The following NRG3 variants were observed in gnomAD, a reference collection of about 807,000 sequenced individuals.
NRG3 encodes neuregulin 3.
NRG3 carries 31 observed loss-of-function variants against 66.9 expected under a neutral mutation model. That is an observed-to-expected ratio of 0.46 (90% confidence interval 0.35 to 0.63). The LOEUF is 0.63. Among genes scored for constraint, NRG3 ranks in the 20% least tolerant of loss-of-function variants. The probability of loss-of-function intolerance (pLI) is 0.00; values close to 1 mark genes in which losing one functional copy is unlikely to be tolerated. For missense variants in NRG3, 910 were observed against 878.9 expected, an observed-to-expected ratio of 1.04 and a Z score of -0.45; for synonymous variants, 393 against 359.4, an observed-to-expected ratio of 1.09 and a Z score of -1.06.
chr10:82,122,872 G>C (rs1446076009), intron 1 of NRG3, among the ~76,000 whole-genome samples: 1 of 151,942 alleles, frequency 6.6e-6, no homozygotes, highest in African/African-American at 2.4e-5. Flanking sequence ...TTTACTACAT[G>C]ATGTCCGCTG....
chr10:82,276,603 G>A (rs977953420), intron 1 of NRG3, among the ~76,000 whole-genome samples: 2 of 151,908 alleles, frequency 1.3e-5, no homozygotes, highest in South Asian at 2.1e-4. Flanking sequence ...GCAGTAAAGA[G>A]GTCAAAGGAG....
intron 4 of NRG3, among the ~76,000 whole-genome samples, chr10:82,935,020 A>G (rs1265608892): frequency 6.6e-6 from 1 of 152,214 alleles, no homozygotes; most frequent in African/African-American, 2.4e-5. Flanking sequence ...ATTTTCTTCA[A>G]AGACCTGGTG....
At chr10:82,189,983 C>CA (rs397701310) in intron 1 of NRG3, among the ~76,000 whole-genome samples, 10,088 of 150,586 alleles carry the variant, frequency 0.067, 389 homozygotes, top group South Asian at 0.16. Context: ...AACAAACAAA[C>CA]AAAAAAAACA....
intron 1 of NRG3, among the ~76,000 whole-genome samples, chr10:82,177,147 A>G (rs2073099690): frequency 6.6e-6 from 1 of 151,994 alleles, no homozygotes; most frequent in African/African-American, 2.4e-5. Context: ...AATGTTTGCT[A>G]TGTTTATATT....
intron 2 of NRG3, among the ~76,000 whole-genome samples, chr10:82,588,633 G>A (rs1042022469): frequency 2.6e-5 from 4 of 152,048 alleles, no homozygotes; most frequent in African/African-American, 9.7e-5. Flanking sequence ...CTCCCGAGTA[G>A]CTGGGACCAC....
chr10:82,254,537 G>A (rs1025860217), intron 1 of NRG3, among the ~76,000 whole-genome samples: 1 of 151,998 alleles, frequency 6.6e-6, no homozygotes, highest in African/African-American at 2.4e-5. Flanking sequence ...AAAACAACTT[G>A]GTTTCCTTGG....
intron 1 of NRG3, among the ~76,000 whole-genome samples, chr10:82,333,440 G>T (rs1297413887): frequency 1.3e-5 from 2 of 152,182 alleles, no homozygotes; most frequent in African/African-American, 4.8e-5. Flanking sequence ...ATTTCAAAAG[G>T]CAGAGATTAA....
intron 3 of NRG3, among the ~76,000 whole-genome samples, chr10:82,849,754 T>C (rs776950243): frequency 2.0e-5 from 3 of 152,086 alleles, no homozygotes; most frequent in African/African-American, 7.2e-5. Flanking sequence ...GAGGTTAATG[T>C]GGCTGAATTG....
At chr10:82,420,189 A>G (rs1426207635) in intron 2 of NRG3, among the ~76,000 whole-genome samples, 3 of 152,086 alleles carry the variant, frequency 2.0e-5, no homozygotes, top group Admixed American at 6.6e-5. Context: ...TCGTGCTTCA[A>G]TTAGCCATTG....
chr10:82,075,614 C>G (rs2065047120), intron 1 of NRG3, among the ~76,000 whole-genome samples: 1 of 151,994 alleles, frequency 6.6e-6, no homozygotes. Context: ...AGCATGATTA[C>G]AATTTTATTT....
At chr10:82,659,913 C>T (rs980058592) in intron 2 of NRG3, among the ~76,000 whole-genome samples, 20 of 151,840 alleles carry the variant, frequency 1.3e-4, no homozygotes, top group Middle Eastern at 6.8e-3. Flanking sequence ...AATAAAGTGA[C>T]GGCCGGGTGC....
intron 2 of NRG3, among the ~76,000 whole-genome samples, chr10:82,716,727 A>G (rs1176640136): frequency 6.6e-6 from 1 of 152,246 alleles, no homozygotes; most frequent in African/African-American, 2.4e-5. Context: ...ATCTGTATCA[A>G]TAAAGTCTAA....
intron 3 of NRG3, among the ~76,000 whole-genome samples, chr10:82,855,535 C>G (rs563381175): frequency 6.6e-6 from 1 of 152,144 alleles, no homozygotes; most frequent in African/African-American, 2.4e-5. Flanking sequence ...GTAGCTGGGA[C>G]TATAAGCACA....
intron 1 of NRG3, among the ~76,000 whole-genome samples, chr10:82,218,340 AG>A (rs1443450449): frequency 2.6e-5 from 4 of 152,200 alleles, no homozygotes; most frequent in African/African-American, 9.7e-5. Flanking sequence ...GCAAAGATTC[AG>A]TCCAAGGTTC....
intron 1 of NRG3, among the ~76,000 whole-genome samples, chr10:82,348,558 T>A (rs1234150562): frequency 6.8e-6 from 1 of 147,514 alleles, no homozygotes; most frequent in Non-Finnish European, 1.5e-5. Context: ...GGAGTTGCTC[T>A]TCTCGAGGAG....
intron 2 of NRG3, among the ~76,000 whole-genome samples, chr10:82,716,680 G>A (rs529569818): frequency 2.6e-5 from 4 of 152,206 alleles, no homozygotes; most frequent in Admixed American, 6.5e-5. Flanking sequence ...GAGGAAAGGT[G>A]TTAGGAAGAA....
chr10:81,893,987 C>G (rs1011600739), intron 1 of NRG3, among the ~76,000 whole-genome samples: 6 of 152,178 alleles, frequency 3.9e-5, no homozygotes, highest in African/African-American at 1.4e-4. Context: ...GAAGCTATCT[C>G]TATCAGTCAG....
At chr10:82,048,657 A>C (rs183763550) in intron 1 of NRG3, among the ~76,000 whole-genome samples, 8 of 151,858 alleles carry the variant, frequency 5.3e-5, no homozygotes, top group African/African-American at 1.9e-4. Context: ...GGAAAGATCC[A>C]AAACTGACAC....
intron 2 of NRG3, among the ~76,000 whole-genome samples, chr10:82,393,139 A>G (rs930530651): frequency 2.0e-5 from 3 of 152,108 alleles, no homozygotes; most frequent in South Asian, 2.1e-4. Flanking sequence ...TGGCAATTCA[A>G]AGTATCAACA....
Sources: gnomAD v4.1 joint callset for allele counts (sites outside exome capture counted in the v4.1 genomes callset) on GRCh38, gnomAD v4.1.1 for gene constraint, MANE v1.5 for transcripts, NCBI Gene and HGNC (gene_info 2026-07-23, HGNC 2026-07-21) for gene names.